Variants in MAP2K4 observed in about 807,000 individuals in gnomAD.
MAP2K4 encodes mitogen-activated protein kinase kinase 4.
In MAP2K4, 4 loss-of-function variants were observed where a neutral mutation model predicts 48.5. That is an observed-to-expected ratio of 0.08 (90% confidence interval 0.04 to 0.19). MAP2K4 has a LOEUF of 0.19. MAP2K4 is among the 10% of genes least tolerant of loss of function. The pLI, the probability that MAP2K4 is intolerant of heterozygous loss-of-function variation, is 1.00. For synonymous variants in MAP2K4, 166 were observed against 173.1 expected, an observed-to-expected ratio of 0.96 and a Z score of 0.32; for missense variants, 258 against 493.3, an observed-to-expected ratio of 0.52 and a Z score of 4.52.
intron 2 of MAP2K4, among the ~76,000 whole-genome samples, chr17:12,071,444 A>G (rs1166424120): frequency 6.6e-6 from 1 of 152,172 alleles, no homozygotes; most frequent in Non-Finnish European, 1.5e-5. Flanking sequence ...TGACACAAAC[A>G]TAAGCAGTAG....
intron 2 of MAP2K4, among the ~76,000 whole-genome samples, chr17:12,059,080 T>C (rs1970371815): frequency 6.6e-6 from 1 of 152,206 alleles, no homozygotes; most frequent in African/African-American, 2.4e-5. Flanking sequence ...CAGGAAACCT[T>C]GATTTTTAAT....
At chr17:12,063,747 C>T (rs948595604) in intron 2 of MAP2K4, among the ~76,000 whole-genome samples, 8 of 151,816 alleles carry the variant, frequency 5.3e-5, no homozygotes, top group Admixed American at 3.3e-4. Context: ...CCGAGGCAGG[C>T]GGGTCACTTG....
rs2151548902 is a variant in MAP2K4 at position 12,081,641 on chromosome 17, A to G, written c.393+111A>G. ...ACTTTTGTGGTAAATGTGGGTGTTT[A>G]AAAAATTGTTTCTCCAACTCCTTTG... is the stretch of plus-strand genomic sequence containing the variant. On this transcript the variant is annotated intron_variant, in intron 3 of 10. Transcript: ENST00000353533. This position sits in a 1 kb window ranked among gnomAD's most constrained non-coding sequence, Gnocchi z 4.2. 2 of 1,120,540 alleles carry G rather than the reference A, an allele frequency of 1.8e-6. No homozygotes were observed. The highest frequency in any genetic ancestry group is 2.5e-6 in the Non-Finnish European group (2 of 785,402). 69.4% of individuals were successfully genotyped at this position (1,120,540 alleles called of 1,614,324 possible).
intron 4 of MAP2K4, among the ~76,000 whole-genome samples, chr17:12,103,763 G>A (rs1010621759): frequency 4.0e-5 from 6 of 151,710 alleles, no homozygotes; most frequent in Non-Finnish European, 5.9e-5. Context: ...TCCTATATGC[G>A]TTCTTTATTG....
chr17:12,088,151 G>C lies in MAP2K4; in HGVS notation c.393+6621G>C, dbSNP rs115746437. 9.9e-3 allele frequency among the ~76,000 whole-genome samples: 1,512 copies of C among 152,094 alleles called. 31 individuals carry two copies. The highest frequency in any genetic ancestry group is 0.034 in the African/African-American group (1,424 of 41,452). The stretch of plus-strand genomic sequence containing the variant: ...TTGCTGGGAAAGCAGCATATTTGTA[G>C]GGTTCAGAATAGTAGGGACACTGGA... On this transcript the variant is annotated intron_variant, in intron 3 of 10. Transcript: ENST00000353533.
intron 4 of MAP2K4, among the ~76,000 whole-genome samples, chr17:12,096,110 C>A (rs1971748636): frequency 1.6e-5 from 2 of 125,508 alleles, no homozygotes; most frequent in South Asian, 2.9e-4. Flanking sequence ...TATATTTTAA[C>A]TTTTACTCAT....
intron 1 of MAP2K4, chr17:12,021,211 CG>C: frequency 3.1e-6 from 1 of 321,020 alleles, no homozygotes; most frequent in Non-Finnish European, 5.6e-6. Flanking sequence ...GCCCCGGCCG[CG>C]GCCTCTGCCT....
rs185034659 is a variant in MAP2K4, at chr17:12,102,030, C to T, written c.514-5760C>T. On this transcript the variant is annotated intron_variant, in intron 4 of 10. Coordinates refer to ENST00000353533, the MANE Select transcript of MAP2K4 (RefSeq NM_003010.4). ...GCCTTATTGCACTGGCTGGAACCTTCAGTATGCTGTTGAGTAGATACAGTG... is the reference window on the plus strand; with the variant it reads ...GCCTTATTGCACTGGCTGGAACCTTTAGTATGCTGTTGAGTAGATACAGTG... Among the ~76,000 whole-genome samples the T allele has an allele frequency of 1.6e-3, 245 of 152,168 alleles. 1 individual carries two copies. Among genetic ancestry groups the T allele is most frequent in the African/African-American group, 5.7e-3 (235 of 41,534 alleles).
Position 12,142,393 on chromosome 17 carries a change from C to T in MAP2K4, c.*1133C>T, listed in dbSNP as rs1973400045. On this transcript the variant is annotated 3_prime_UTR_variant, in exon 11 of 11. Coordinates refer to ENST00000353533, the MANE Select transcript of MAP2K4 (RefSeq NM_003010.4). The stretch of plus-strand genomic sequence containing the variant: ...TCCCTTCCCCTGTGGTCTATTGTCG[C>T]TATGTGACTTGCGCTTAATCCAATA... 1 of 233,078 alleles carries T rather than the reference C, an allele frequency of 4.3e-6. No individual in the cohort carries two copies. Among genetic ancestry groups the T allele is most frequent in the Admixed American group, 5.6e-5 (1 of 17,784 alleles). The allele number at this position is 233,078 out of a possible 1,614,324, so 14.4% of individuals were successfully genotyped here.
chr17:12,056,721 C>T (rs889598624), intron 2 of MAP2K4, among the ~76,000 whole-genome samples: 2 of 152,024 alleles, frequency 1.3e-5, no homozygotes, highest in African/African-American at 4.8e-5. Flanking sequence ...TTACTTAGAA[C>T]AACATTATCT....
intron 4 of MAP2K4, among the ~76,000 whole-genome samples, chr17:12,096,591 C>A (rs1392324199): frequency 6.6e-6 from 1 of 152,138 alleles, no homozygotes; most frequent in Non-Finnish European, 1.5e-5. Context: ...GGATGAATAA[C>A]CGAGTTGTTA....
At chr17:12,073,113 A>G (rs894931626) in intron 2 of MAP2K4, among the ~76,000 whole-genome samples, 4 of 152,332 alleles carry the variant, frequency 2.6e-5, no homozygotes, top group Admixed American at 6.5e-5. Flanking sequence ...TTAACTCCCT[A>G]TAGGATCTGA....
intron 4 of MAP2K4, among the ~76,000 whole-genome samples, chr17:12,100,371 T>C (rs1375369031): frequency 6.6e-6 from 1 of 152,206 alleles, no homozygotes; most frequent in Non-Finnish European, 1.5e-5. Context: ...AGTATAATTA[T>C]CTTGCATTTA....
chr17:12,116,080 T>G (rs1972484380), intron 7 of MAP2K4, among the ~76,000 whole-genome samples: 3 of 152,218 alleles, frequency 2.0e-5, no homozygotes, highest in Admixed American at 2.0e-4. Flanking sequence ...GTAGGTCGCC[T>G]GCAGCCTGCA....
chr17:12,080,237 A>G (rs575435123), intron 2 of MAP2K4, among the ~76,000 whole-genome samples: 30 of 152,346 alleles, frequency 2.0e-4, no homozygotes, highest in African/African-American at 6.3e-4. Flanking sequence ...AAGAAGAAAA[A>G]TAATGACCAA....
At chr17:12,033,947 A>T (rs951987802) in intron 1 of MAP2K4, among the ~76,000 whole-genome samples, 7 of 151,890 alleles carry the variant, frequency 4.6e-5, no homozygotes, top group Non-Finnish European at 2.9e-5. Context: ...ATGCCACCAC[A>T]CCCAGCTCAT....
chr17:12,072,996 G>A (rs992266015), intron 2 of MAP2K4, among the ~76,000 whole-genome samples: 3 of 152,130 alleles, frequency 2.0e-5, no homozygotes, highest in Non-Finnish European at 4.4e-5. Flanking sequence ...CTTTGTAAAA[G>A]CAATCTGAGG....
chr17:12,124,210 G>C (rs1597492291), intron 7 of MAP2K4: 1 of 152,284 alleles, frequency 6.6e-6, no homozygotes, highest in South Asian at 2.1e-4. Context: ...ATGCTTCTCT[G>C]GGCATTTCTT....
chr17:12,021,101 C>T lies in MAP2K4; in HGVS notation c.115+100C>T, dbSNP rs2151501260. 4 of 644,366 alleles carry T rather than the reference C, an allele frequency of 6.2e-6. No individual in the cohort carries two copies. The South Asian group carries it at 3.1e-4, about 50-fold the overall frequency. 39.9% of individuals were successfully genotyped at this position (644,366 alleles called of 1,614,324 possible). A position where few individuals can be genotyped will look rare whatever the true frequency, so the allele number is the denominator to read the frequency against. ...ACGCCCCCGGACCCGGCTGAGGAAG[C>T]CACGGCAGCCGCCGGCTTCTCCCTC... On this transcript the variant is annotated intron_variant, in intron 1 of 10. Transcript: ENST00000353533.
Sources: allele counts gnomAD v4.1 joint callset (sites outside exome capture counted in the v4.1 genomes callset), GRCh38; gene constraint gnomAD v4.1.1; non-coding constraint Gnocchi (gnomAD v3.1); transcripts MANE v1.5; gene names NCBI Gene and HGNC (gene_info 2026-07-23, HGNC 2026-07-21).